The following UIMC1 variants were observed in gnomAD, a reference collection of about 807,000 sequenced individuals.
UIMC1 encodes ubiquitin interaction motif containing 1, also known as BRCA1-A complex subunit RAP80.
A neutral mutation model predicts 84.9 loss-of-function variants in UIMC1; 42 were observed. That is an observed-to-expected ratio of 0.49 (90% CI 0.39 to 0.64). The LOEUF is 0.64. UIMC1 is among the 30% of genes least tolerant of loss of function. The pLI, the probability that UIMC1 is intolerant of heterozygous loss-of-function variation, is 0.00. For synonymous variants in UIMC1, 281 were observed against 293.0 expected (o/e 0.96, Z 0.42); for missense variants, 825 against 847.6 (o/e 0.97, Z 0.33).
At position 176,907,155 on chromosome 5, in the gene UIMC1, C is replaced by T. The variant is rs1053224906; in HGVS notation, c.1871G>A (p.Arg624Gln). ...NPKEKGHSEG[R>Q]LLSFLEQSEH... is the part of the protein sequence containing the mutation. ...AGACTGTTCCAAGAAACTAAGGAGT[C>T]GGCCTTCACTGTGGCCTTTTTCCTG... The change falls in exon 13 of 15, where the codon CGA becomes CAA. Residue 624 changes from arginine (R) to glutamine (Q), a missense_variant. Physicochemically the swap from Arg to Gln is conservative, Grantham distance 43. Transcript: ENST00000511320. 1.2e-6 allele frequency: 2 copies of T among 1,613,748 alleles called. No individual in the cohort carries two copies. Among genetic ancestry groups the T allele is most frequent in the Non-Finnish European group, 1.7e-6 (2 of 1,179,826 alleles).
chr5:176,924,808 A>G (rs1581398129), intron 10 of UIMC1, among the ~76,000 whole-genome samples: 1 of 152,228 alleles, frequency 6.6e-6, no homozygotes, highest in East Asian at 1.9e-4. Context: ...TGGGAGGCTG[A>G]GGCGGGTGGA....
At chr5:176,972,543 C>A (rs1048389782) in intron 3 of UIMC1, among the ~76,000 whole-genome samples, 1 of 152,106 alleles carries the variant, frequency 6.6e-6, no homozygotes, top group Non-Finnish European at 1.5e-5. Context: ...TGAGACCAGC[C>A]TGGCCTACAT....
chr5:176,976,330 T>A (rs1770068122), intron 2 of UIMC1, among the ~76,000 whole-genome samples: 1 of 151,668 alleles, frequency 6.6e-6, no homozygotes, highest in African/African-American at 2.4e-5. Context: ...AATAAATAAA[T>A]AAAAATAAAA....
At chr5:176,995,846 A>AAAC (rs1773534863) in intron 1 of UIMC1, among the ~76,000 whole-genome samples, 1 of 141,068 alleles carries the variant, frequency 7.1e-6, no homozygotes, top group Non-Finnish European at 1.5e-5. Context: ...TCCATCTCAA[A>AAAC]AAAAAAAAAA....
chr5:176,910,481 C>T (rs1392046163), intron 11 of UIMC1, among the ~76,000 whole-genome samples: 1 of 152,176 alleles, frequency 6.6e-6, no homozygotes, highest in African/African-American at 2.4e-5. Context: ...CATAGTTAGA[C>T]TAGTTCCTTC....
intron 2 of UIMC1, among the ~76,000 whole-genome samples, chr5:176,982,084 T>G (rs1771139334): frequency 6.6e-6 from 1 of 152,204 alleles, no homozygotes; most frequent in South Asian, 2.1e-4. Flanking sequence ...TTAGTTATTT[T>G]TAAACAGCTA....
chr5:176,943,182 G>T, intron 10 of UIMC1, 153 bp downstream of exon 10: 1 of 903,316 alleles, frequency 1.1e-6, no homozygotes, highest in Middle Eastern at 2.9e-4. Context: ...GAACATAAAA[G>T]TACTAGAAAA....
chr5:176,972,341 G>A (rs1241090870), intron 3 of UIMC1, among the ~76,000 whole-genome samples: 3 of 151,826 alleles, frequency 2.0e-5, no homozygotes, highest in Admixed American at 1.3e-4. Context: ...GGCAGAGCTT[G>A]CAGTGAGCAG....
At chr5:176,912,502 C>T (rs1760364654) in intron 10 of UIMC1, among the ~76,000 whole-genome samples, 1 of 142,194 alleles carries the variant, frequency 7.0e-6, no homozygotes, top group Non-Finnish European at 1.5e-5. Context: ...GACATAGTCT[C>T]ACTCTTCTTG....
intron 6 of UIMC1, 83 bp from the exon 7 acceptor site, chr5:176,958,237 C>G: frequency 1.7e-6 from 2 of 1,147,404 alleles, no homozygotes; most frequent in Non-Finnish European, 2.5e-6. Context: ...TTTAATTGTT[C>G]AATGTTCTCC....
intron 1 of UIMC1, among the ~76,000 whole-genome samples, chr5:177,002,672 G>C (rs1218128260): frequency 6.6e-6 from 1 of 152,164 alleles, no homozygotes; most frequent in East Asian, 1.9e-4. Flanking sequence ...GTAGTGGCAC[G>C]CGCCTGTAGT....
chr5:177,022,516 G>A (rs376793590), exon 1 of UIMC1: 9 of 510,172 alleles, frequency 1.8e-5, no homozygotes, highest in African/African-American at 6.1e-5. Context: ...CTCCGGGAGG[G>A]GGGGGTCACT....
intron 5 of UIMC1, 67 bp from the exon 6 acceptor site, chr5:176,969,358 T>A: frequency 6.6e-7 from 1 of 1,526,000 alleles, no homozygotes; most frequent in Non-Finnish European, 8.8e-7. Context: ...TGGTAAGTTA[T>A]CACTTACCAA....
intron 10 of UIMC1, among the ~76,000 whole-genome samples, chr5:176,940,656 TAA>T (rs1385387451): frequency 6.6e-6 from 1 of 152,148 alleles, no homozygotes; most frequent in Non-Finnish European, 1.5e-5. Flanking sequence ...GCTCTGCCAC[TAA>T]AAGTGGTTGA....
chr5:176,959,176 T>C (rs1224646315), intron 6 of UIMC1, among the ~76,000 whole-genome samples: 2 of 152,196 alleles, frequency 1.3e-5, no homozygotes, highest in African/African-American at 4.8e-5. Context: ...AGGACTAAAA[T>C]ACAACAGCAA....
chr5:176,930,822 T>C (rs566956148), intron 10 of UIMC1, among the ~76,000 whole-genome samples: 1 of 152,378 alleles, frequency 6.6e-6, no homozygotes, highest in East Asian at 1.9e-4. Context: ...CTATGTCACA[T>C]GGACGCTGTT....
At chr5:177,006,584 C>T (rs920093888) in intron 1 of UIMC1, 66 bp downstream of exon 1, 1 of 152,364 alleles carries the variant, frequency 6.6e-6, no homozygotes, top group Non-Finnish European at 1.5e-5. Context: ...GGGCCGCGGA[C>T]CCGCTGAGGA....
intron 2 of UIMC1, among the ~76,000 whole-genome samples, chr5:176,981,643 A>T (rs1771072713): frequency 6.6e-6 from 1 of 152,072 alleles, no homozygotes; most frequent in Non-Finnish European, 1.5e-5. Flanking sequence ...ACAAAAAAAA[A>T]TACAAAAATT....
At chr5:176,994,837 T>C (rs1399363916) in intron 1 of UIMC1, among the ~76,000 whole-genome samples, 2 of 152,124 alleles carry the variant, frequency 1.3e-5, no homozygotes, top group East Asian at 3.8e-4. Flanking sequence ...GCATAGCTTG[T>C]GATCATGCAG....
Sources: gnomAD v4.1 joint callset for allele counts (sites outside exome capture counted in the v4.1 genomes callset) on GRCh38, gnomAD v4.1.1 for gene constraint, MANE v1.5 for transcripts, NCBI Gene and HGNC (gene_info 2026-07-23, HGNC 2026-07-21) for gene names.